PAG1: variants seen among roughly 807,000 people sequenced by gnomAD.
The protein encoded by PAG1 is phosphoprotein associated with glycosphingolipid-enriched microdomains 1.
PAG1 carries 23 observed loss-of-function variants against 31.7 expected under a neutral mutation model. That is an observed-to-expected ratio of 0.73 (90% CI 0.52 to 1.03). PAG1 has a LOEUF of 1.03. Ranked by LOEUF, PAG1 falls within the 50% of genes least tolerant of loss-of-function variation. PAG1 has a pLI of 0.00. For missense variants in PAG1, 473 were observed against 540.7 expected, an observed-to-expected ratio of 0.87 and a Z score of 1.24; for synonymous variants, 214 against 210.3, an observed-to-expected ratio of 1.02 and a Z score of -0.15.
intron 1 of PAG1, among the ~76,000 whole-genome samples, chr8:81,096,358 T>TA (rs950323219): frequency 3.3e-5 from 5 of 152,026 alleles, no homozygotes; most frequent in Admixed American, 2.0e-4. Context: ...GATCACTTTA[T>TA]AAAAAAGGCT....
At chr8:81,020,222 G>A (rs75641557) in intron 3 of PAG1, among the ~76,000 whole-genome samples, 4,364 of 152,242 alleles carry the variant, frequency 0.029, 199 homozygotes, top group African/African-American at 0.1. Flanking sequence ...ACTTAGGACT[G>A]TGGACTTTTG....
chr8:80,993,022 TAACAGGCTTTCCACAGA>T (rs1807585372), intron 4 of PAG1, 64 bp downstream of exon 4: 23 of 1,312,862 alleles, frequency 1.8e-5, no homozygotes, highest in Non-Finnish European at 2.4e-5. Context: ...ATTCCATTCC[TAACAGGCTTTCCACAGA>T]AACTCTTCTG....
At chr8:81,003,845 A>G (rs1411910168) in intron 3 of PAG1, among the ~76,000 whole-genome samples, 2 of 152,216 alleles carry the variant, frequency 1.3e-5, no homozygotes, top group Non-Finnish European at 2.9e-5. Context: ...CAACTCCCAG[A>G]AAGCACAGTC....
chr8:81,039,768 T>C (rs1357866781), intron 2 of PAG1, among the ~76,000 whole-genome samples: 1 of 152,214 alleles, frequency 6.6e-6, no homozygotes, highest in East Asian at 1.9e-4. Context: ...ATGGAGTTAT[T>C]TCTTAATTAT....
intron 1 of PAG1, among the ~76,000 whole-genome samples, chr8:81,103,155 A>AC (rs1491324348): frequency 3.2e-5 from 1 of 31,700 alleles, no homozygotes; most frequent in Non-Finnish European, 5.7e-5. Context: ...ATTTTGTGGG[A>AC]AAAAAAAAAA....
chr8:81,104,838 T>A (rs900708106), intron 1 of PAG1, among the ~76,000 whole-genome samples: 1 of 152,114 alleles, frequency 6.6e-6, no homozygotes, highest in Non-Finnish European at 1.5e-5. Flanking sequence ...TTCTGTGTAA[T>A]ATACCCAGAG....
chr8:81,038,105 C>G (rs1284276013), intron 2 of PAG1, among the ~76,000 whole-genome samples: 1 of 152,158 alleles, frequency 6.6e-6, no homozygotes, highest in African/African-American at 2.4e-5. Flanking sequence ...GGGGATCACT[C>G]AAGGGGTTAT....
chr8:81,018,478 T>C (rs940546878), intron 3 of PAG1, among the ~76,000 whole-genome samples: 19 of 152,218 alleles, frequency 1.2e-4, no homozygotes, highest in Admixed American at 2.0e-4. Context: ...CACCTAAATC[T>C]CATCTTGAAT....
chr8:81,072,516 T>A (rs1027203295), intron 1 of PAG1, among the ~76,000 whole-genome samples: 1 of 152,168 alleles, frequency 6.6e-6, no homozygotes, highest in Non-Finnish European at 1.5e-5. Flanking sequence ...ATGTTGAAAA[T>A]CACTGGTCTA....
rs766705057 is a variant in PAG1 at position 80,971,876 on chromosome 8, A to G, written c.*4668T>C. On this transcript the variant is annotated 3_prime_UTR_variant, in exon 9 of 9. Transcript: ENST00000220597. ...ATGAATGTTTGTTCTCTTCTGGACCATGATTTTAAATTTTAATTTGGTAAT... is the reference window on the plus strand; with the variant it reads ...ATGAATGTTTGTTCTCTTCTGGACCGTGATTTTAAATTTTAATTTGGTAAT... 1.2e-4 allele frequency: 19 copies of G among 152,242 alleles called. No homozygotes were observed. The highest frequency in any genetic ancestry group is 2.5e-4 in the Non-Finnish European group (17 of 68,036). The allele number at this position is 152,242 out of a possible 1,614,324, so 9.4% of individuals were successfully genotyped here.
At chr8:80,977,024 T>A in intron 8 of PAG1, 118 bp from the exon 9 acceptor site, 1 of 850,918 alleles carries the variant, frequency 1.2e-6, no homozygotes, top group Non-Finnish European at 1.9e-6. Flanking sequence ...CCTTAAAGAT[T>A]TGTTCTTTCT....
Position 81,086,302 on chromosome 8 carries a change from C to T in PAG1, c.-233-16132G>A, listed in dbSNP as rs182481155. On this transcript the variant is annotated intron_variant, in intron 1 of 8. Transcript: ENST00000220597. Reference sequence around the variant, plus strand: ...GGCCAATCTGGCTTGTTTTTACAGGCTATTTCATAATAGAATTTTGCCTTA... The same window carrying T: ...GGCCAATCTGGCTTGTTTTTACAGGTTATTTCATAATAGAATTTTGCCTTA... Among the ~76,000 whole-genome samples, 360 of 152,138 alleles carry T rather than the reference C, an allele frequency of 2.4e-3. 4 individuals carry two copies. Among genetic ancestry groups the T allele is most frequent in the African/African-American group, 8.3e-3 (345 of 41,504 alleles).
chr8:81,108,976 G>A (rs1048867965), intron 1 of PAG1, among the ~76,000 whole-genome samples: 16 of 152,304 alleles, frequency 1.1e-4, no homozygotes, highest in African/African-American at 3.6e-4. Context: ...TACTGCTGCC[G>A]TGGTGGTTTC....
intron 2 of PAG1, among the ~76,000 whole-genome samples, chr8:81,060,617 C>T (rs1808901822): frequency 6.6e-6 from 1 of 152,092 alleles, no homozygotes; most frequent in Admixed American, 6.5e-5. Flanking sequence ...TGATATATCC[C>T]CCTGCTAATT....
At chr8:81,068,278 C>A (rs1809039608) in intron 2 of PAG1, among the ~76,000 whole-genome samples, 1 of 152,154 alleles carries the variant, frequency 6.6e-6, no homozygotes. Context: ...ACATTGGAAG[C>A]CTGAAAATGG....
chr8:81,073,478 C>G (rs143786127), intron 1 of PAG1, among the ~76,000 whole-genome samples: 2 of 152,300 alleles, frequency 1.3e-5, no homozygotes, highest in East Asian at 3.9e-4. Flanking sequence ...ATATTCAGGT[C>G]CAAAAGTATC....
chr8:81,102,999 G>A (rs1169978691), intron 1 of PAG1, among the ~76,000 whole-genome samples: 2 of 152,062 alleles, frequency 1.3e-5, no homozygotes, highest in Admixed American at 6.6e-5. Context: ...ACAGACAACA[G>A]CCATTGCAAT....
chr8:81,032,560 C>T (rs529805912), intron 2 of PAG1, among the ~76,000 whole-genome samples: 8 of 152,176 alleles, frequency 5.3e-5, no homozygotes, highest in South Asian at 2.1e-4. Context: ...ATAATAAACA[C>T]GTCTAAGCTA....
chr8:80,982,606 G>A (rs759958790), intron 7 of PAG1, among the ~76,000 whole-genome samples: 2 of 152,054 alleles, frequency 1.3e-5, no homozygotes, highest in Non-Finnish European at 2.9e-5. Context: ...CTCTTTACCC[G>A]GCTCATCAAT....
Sources: allele counts gnomAD v4.1 joint callset (sites outside exome capture counted in the v4.1 genomes callset), GRCh38; gene constraint gnomAD v4.1.1; transcripts MANE v1.5; gene names NCBI Gene and HGNC (gene_info 2026-07-23, HGNC 2026-07-21).